The following PIGU variants were observed in gnomAD, a reference collection of about 807,000 sequenced individuals.
PIGU encodes the protein phosphatidylinositol glycan anchor biosynthesis class U, also known as GPI-anchor transamidase component PIGU.
In PIGU, 24 loss-of-function variants were observed where a neutral mutation model predicts 49.9. The ratio of observed to expected loss-of-function variants is 0.48; its 90% CI spans 0.35 to 0.68. The LOEUF (loss-of-function observed/expected upper bound fraction) is 0.68, where lower values mean the gene tolerates loss of function less well. PIGU is among the 30% of genes least tolerant of loss of function. The pLI, the probability that PIGU is intolerant of heterozygous loss-of-function variation, is 0.01. For missense variants in PIGU, 490 were observed against 532.6 expected (o/e 0.92, Z 0.79); for synonymous variants, 220 against 205.7 (o/e 1.07, Z -0.59).
chr20:34,566,158 G>A (rs955265362), intron 11 of PIGU, among the ~76,000 whole-genome samples: 18 of 152,196 alleles, frequency 1.2e-4, no homozygotes, highest in African/African-American at 4.3e-4. Context: ...CTGCCCAGCA[G>A]CGCTGCAGCT....
chr20:34,665,329 G>T (rs1048564139), intron 1 of PIGU, among the ~76,000 whole-genome samples: 4 of 145,344 alleles, frequency 2.8e-5, no homozygotes, highest in Non-Finnish European at 4.5e-5. Flanking sequence ...TCAGCCTCCC[G>T]AGTAGCTGGG....
intron 4 of PIGU, among the ~76,000 whole-genome samples, chr20:34,639,192 G>C (rs1346200701): frequency 2.0e-5 from 3 of 152,104 alleles, no homozygotes; most frequent in Non-Finnish European, 4.4e-5. Context: ...ACAAGGTCAG[G>C]AGATCGAGAC....
At chr20:34,618,075 T>C (rs1985077956) in intron 6 of PIGU, among the ~76,000 whole-genome samples, 2 of 152,134 alleles carry the variant, frequency 1.3e-5, no homozygotes, top group South Asian at 4.1e-4. Context: ...TTTCGTAAAT[T>C]GCCCAGTCTC....
intron 9 of PIGU, among the ~76,000 whole-genome samples, chr20:34,583,574 A>C (rs1026871036): frequency 2.0e-5 from 3 of 152,198 alleles, no homozygotes; most frequent in Non-Finnish European, 4.4e-5. Flanking sequence ...GCCAGGAGCA[A>C]TGTGTGGCTT....
At chr20:34,622,168 G>C (rs1039555919) in intron 6 of PIGU, among the ~76,000 whole-genome samples, 1 of 152,094 alleles carries the variant, frequency 6.6e-6, no homozygotes, top group Non-Finnish European at 1.5e-5. Context: ...GAAAATTCAC[G>C]TATCTGTACA....
intron 10 of PIGU, among the ~76,000 whole-genome samples, chr20:34,581,113 A>T (rs973249667): frequency 1.3e-5 from 2 of 152,156 alleles, no homozygotes; most frequent in African/African-American, 4.8e-5. Flanking sequence ...GGACTTTTTC[A>T]TCATCATAAA....
intron 7 of PIGU, among the ~76,000 whole-genome samples, chr20:34,599,048 T>C (rs2146724091): frequency 6.6e-6 from 1 of 152,324 alleles, no homozygotes; most frequent in East Asian, 1.9e-4. Context: ...TCTTGCTCTG[T>C]AGCTCATAAG....
rs1390438689 is a variant in PIGU, at chr20:34,581,751, T to C, written c.927-79A>G. 2.7e-5 allele frequency: 41 copies of C among 1,519,974 alleles called. No homozygotes were observed. The East Asian group carries it at 9.4e-4, about 35-fold the overall frequency. The allele number at this position is 1,519,974 out of a possible 1,614,324, so 94.2% of individuals were successfully genotyped here. Reference sequence around the variant, plus strand: ...CCTAGAGACTCCTGACTCCATCCTTTGAACCAAAAATAATCCTCAGGGGAC... The same window carrying C: ...CCTAGAGACTCCTGACTCCATCCTTCGAACCAAAAATAATCCTCAGGGGAC... On this transcript the variant is annotated intron_variant, in intron 9 of 11. Coordinates refer to ENST00000217446, the MANE Select transcript of PIGU (RefSeq NM_080476.5).
chr20:34,640,496 C>T (rs887268855), intron 4 of PIGU, among the ~76,000 whole-genome samples: 111 of 21,698 alleles, frequency 5.1e-3, no homozygotes, highest in African/African-American at 0.013. Context: ...CATGTGCGCA[C>T]GCGCACACAC....
intron 1 of PIGU, among the ~76,000 whole-genome samples, chr20:34,658,552 G>A (rs1227086652): frequency 1.2e-4 from 18 of 151,040 alleles, no homozygotes; most frequent in African/African-American, 2.2e-4. Flanking sequence ...AGTGAGGAGC[G>A]TCTCTGCCCG....
chr20:34,621,577 A>G (rs1985235807), intron 6 of PIGU, among the ~76,000 whole-genome samples: 1 of 152,172 alleles, frequency 6.6e-6, no homozygotes, highest in Non-Finnish European at 1.5e-5. Flanking sequence ...CAGCCGGAGC[A>G]AAAGTGAGGG....
At chr20:34,609,026 T>A (rs1401626301) in intron 7 of PIGU, among the ~76,000 whole-genome samples, 2 of 152,134 alleles carry the variant, frequency 1.3e-5, no homozygotes, top group African/African-American at 4.8e-5. Context: ...CTCAGCCTAA[T>A]CCCAGCACTT....
chr20:34,605,045 C>T (rs1984564030), intron 7 of PIGU, among the ~76,000 whole-genome samples: 1 of 152,180 alleles, frequency 6.6e-6, no homozygotes, highest in South Asian at 2.1e-4. Context: ...AGCCTTACAG[C>T]TTCAGCTTCT....
intron 1 of PIGU, among the ~76,000 whole-genome samples, chr20:34,659,075 T>C (rs1600667550): frequency 9.5e-6 from 1 of 105,090 alleles, no homozygotes; most frequent in African/African-American, 3.7e-5. Context: ...GGGAGGGAGG[T>C]GGGGGGGTCA....
At chr20:34,610,815 G>T (rs1984784428) in intron 7 of PIGU, among the ~76,000 whole-genome samples, 1 of 152,110 alleles carries the variant, frequency 6.6e-6, no homozygotes, top group Admixed American at 6.6e-5. Context: ...ATACTGCAAG[G>T]CTACAGCACC....
At chr20:34,642,414 A>G (rs1656612689) in intron 4 of PIGU, among the ~76,000 whole-genome samples, 1 of 151,858 alleles carries the variant, frequency 6.6e-6, no homozygotes, top group Non-Finnish European at 1.5e-5. Flanking sequence ...GGGTCCCACT[A>G]TATTGCCCAG....
chr20:34,610,601 A>G (rs1984777504), intron 7 of PIGU, among the ~76,000 whole-genome samples: 1 of 152,244 alleles, frequency 6.6e-6, no homozygotes, highest in Non-Finnish European at 1.5e-5. Context: ...GGATAGGAAG[A>G]ATCAATATCA....
At chr20:34,625,317 G>C (rs1293843733) in intron 6 of PIGU, among the ~76,000 whole-genome samples, 1 of 146,728 alleles carries the variant, frequency 6.8e-6, no homozygotes, top group Non-Finnish European at 1.5e-5. Context: ...GTGGTGAGCC[G>C]AGATTGTGCC....
intron 7 of PIGU, among the ~76,000 whole-genome samples, chr20:34,605,032 C>T (rs1488583499): frequency 6.6e-6 from 1 of 152,168 alleles, no homozygotes; most frequent in African/African-American, 2.4e-5. Flanking sequence ...TGGTCTCCCT[C>T]GAAGCCTTAC....
Sources: allele counts gnomAD v4.1 joint callset (sites outside exome capture counted in the v4.1 genomes callset), GRCh38; gene constraint gnomAD v4.1.1; transcripts MANE v1.5; gene names NCBI Gene and HGNC (gene_info 2026-07-23, HGNC 2026-07-21).